RFX7: variants seen among roughly 807,000 people sequenced by gnomAD.
The protein encoded by RFX7 is DNA-binding protein RFX7.
Under a neutral mutation model 111.8 loss-of-function variants are expected in RFX7, and 26 were observed. The ratio of observed to expected loss-of-function variants is 0.23; its 90% CI spans 0.17 to 0.32. RFX7 has a LOEUF of 0.32. Among genes scored for constraint, RFX7 ranks in the 10% least tolerant of loss-of-function variants. The probability of loss-of-function intolerance (pLI) is 1.00; values close to 1 mark genes in which losing one functional copy is unlikely to be tolerated. For missense variants in RFX7, 1,573 were observed against 1,772.9 expected, an observed-to-expected ratio of 0.89 and a Z score of 2.02; for synonymous variants, 624 against 624.4, an observed-to-expected ratio of 1.00 and a Z score of 0.01.
chr15:56,207,379 G>A (rs1447884467), intron 2 of RFX7, among the ~76,000 whole-genome samples: 2 of 152,128 alleles, frequency 1.3e-5, no homozygotes, highest in Non-Finnish European at 2.9e-5. Context: ...CAATGTGACT[G>A]TACTTAATGC....
chr15:56,212,104 A>G (rs1162223802), intron 2 of RFX7, among the ~76,000 whole-genome samples: 1 of 152,204 alleles, frequency 6.6e-6, no homozygotes, highest in Admixed American at 6.5e-5. Flanking sequence ...TGGAAGCAAC[A>G]CAAATGTCAT....
In RFX7 at chr15:56,243,157, G is replaced by A. The variant is rs2043729394; in HGVS notation, c.129C>T (p.Ser43=). Residue 43 remains serine, a synonymous_variant, in exon 2 of 10, where the codon AGC becomes AGT. Coordinates refer to ENST00000559447, the MANE Select transcript of RFX7 (RefSeq NM_022841.7). ...LVPGLPGTEA[S]ALQHKIKNSI... is the part of the protein sequence containing the mutation. ...AGTTCTTGATCTTGTGTTGCAGCGC[G>A]CTGGCCTCTGTCCCTGGCAGCCCGG... The A allele has an allele frequency of 1.5e-6, 2 of 1,360,480 alleles. No homozygotes were observed. Among genetic ancestry groups the A allele is most frequent in the African/African-American group, 1.5e-5 (1 of 67,368 alleles). 84.3% of individuals were successfully genotyped at this position (1,360,480 alleles called of 1,614,324 possible). A position where few individuals can be genotyped will look rare whatever the true frequency, so the allele number is the denominator to read the frequency against.
At chr15:56,121,126 T>G (rs1320039075) in intron 5 of RFX7, among the ~76,000 whole-genome samples, 1 of 152,240 alleles carries the variant, frequency 6.6e-6, no homozygotes, top group Non-Finnish European at 1.5e-5. Flanking sequence ...AACAGCCTTT[T>G]CTTTCAGACT....
chr15:56,172,044 T>G (rs1174210645), intron 3 of RFX7, among the ~76,000 whole-genome samples: 1 of 152,006 alleles, frequency 6.6e-6, no homozygotes, highest in Non-Finnish European at 1.5e-5. Flanking sequence ...TGTGACATCT[T>G]AAGGAATTTT....
chr15:56,200,358 ATTGT>A (rs1363256714), intron 2 of RFX7, among the ~76,000 whole-genome samples: 17 of 152,134 alleles, frequency 1.1e-4, no homozygotes, highest in African/African-American at 2.7e-4. Flanking sequence ...ACTTTTTGTT[ATTGT>A]TTAAGTTTTT....
At chr15:56,170,563 C>A (rs12909430) in intron 3 of RFX7, among the ~76,000 whole-genome samples, 1 of 152,054 alleles carries the variant, frequency 6.6e-6, no homozygotes, top group African/African-American at 2.4e-5. Flanking sequence ...CCCCTAGGGG[C>A]GTGGAGGGCA....
intron 5 of RFX7, among the ~76,000 whole-genome samples, chr15:56,112,046 C>T (rs1237356417): frequency 6.7e-6 from 1 of 149,406 alleles, no homozygotes; most frequent in South Asian, 2.1e-4. Flanking sequence ...ACCCAGGAGG[C>T]GGAGGTTGCA....
chr15:56,121,052 G>GT (rs1193699229), intron 5 of RFX7, among the ~76,000 whole-genome samples: 2 of 152,074 alleles, frequency 1.3e-5, no homozygotes, highest in African/African-American at 4.8e-5. Flanking sequence ...AATAGTCTGT[G>GT]TTTTTTTCTG....
At chr15:56,188,087 T>C (rs1484649953) in intron 2 of RFX7, among the ~76,000 whole-genome samples, 1 of 152,096 alleles carries the variant, frequency 6.6e-6, no homozygotes, top group Non-Finnish European at 1.5e-5. Flanking sequence ...ATAATAAATG[T>C]TCGCATGGGG....
intron 2 of RFX7, among the ~76,000 whole-genome samples, chr15:56,194,126 T>C (rs555429957): frequency 6.6e-6 from 1 of 152,276 alleles, no homozygotes; most frequent in Admixed American, 6.5e-5. Flanking sequence ...AACAAATCAT[T>C]GATAAACTAT....
intron 3 of RFX7, among the ~76,000 whole-genome samples, chr15:56,159,618 C>G (rs138425236): frequency 1.3e-5 from 2 of 152,166 alleles, no homozygotes; most frequent in Admixed American, 6.5e-5. Flanking sequence ...ATAACTTTCT[C>G]CAGGTTCGTC....
rs1370643193 is a variant in RFX7, at chr15:56,098,380, A to G, written c.812-4T>C. On this transcript the variant is annotated splice_region_variant and splice_polypyrimidine_tract_variant and intron_variant, in intron 8 of 9. Transcript: ENST00000559447. ...GGCTGGGTAATTCCTTTCATTCCTG[A>G]AAATAAACAGAAAGGAAAGCTGCAA... 6.3e-7 allele frequency: 1 copy of G among 1,577,848 alleles called. No homozygotes were observed. Among genetic ancestry groups the G allele is most frequent in the East Asian group, 2.3e-5 (1 of 43,986 alleles).
chr15:56,214,941 AT>A (rs2043349301), intron 2 of RFX7, among the ~76,000 whole-genome samples: 1 of 152,048 alleles, frequency 6.6e-6, no homozygotes, highest in South Asian at 2.1e-4. Context: ...AGTTTTACTC[AT>A]TTTTTTAACT....
chr15:56,197,518 T>G (rs1343572252), intron 2 of RFX7, among the ~76,000 whole-genome samples: 1 of 152,068 alleles, frequency 6.6e-6, no homozygotes, highest in Non-Finnish European at 1.5e-5. Flanking sequence ...ATGTGATAGT[T>G]TTTTTTTCAT....
chr15:56,235,831 T>C (rs1201477721), intron 2 of RFX7, among the ~76,000 whole-genome samples: 1 of 152,200 alleles, frequency 6.6e-6, no homozygotes. Flanking sequence ...ATCTAAACCT[T>C]TGCTATTCAA....
At chr15:56,155,105 T>C (rs2042634316) in intron 3 of RFX7, among the ~76,000 whole-genome samples, 1 of 152,096 alleles carries the variant, frequency 6.6e-6, no homozygotes. Context: ...AGAATGGCGA[T>C]CATTAAAAAG....
rs537851263 is a variant in RFX7 at position 56,094,353 on chromosome 15, A to G, written c.3375T>C (p.Ser1125=). The G allele has an allele frequency of 1.5e-5, 24 of 1,613,876 alleles. No homozygotes were observed. The highest frequency in any genetic ancestry group is 1.6e-5 in the Non-Finnish European group (19 of 1,179,886). The part of the protein sequence containing the change: ...DTHFGRLTPV[S]PVQHQGATVN... ...CAGTGGCACCTTGATGCTGCACAGG[A>G]GAGACAGGAGTCAAACGACCAAAAT... Residue 1125 remains serine (S), a synonymous_variant, in exon 10 of 10, where the codon TCT becomes TCC. Coordinates refer to ENST00000559447, the MANE Select transcript of RFX7 (RefSeq NM_022841.7).
intron 3 of RFX7, among the ~76,000 whole-genome samples, chr15:56,144,873 C>CA (rs2042447849): frequency 6.6e-6 from 1 of 152,132 alleles, no homozygotes; most frequent in Non-Finnish European, 1.5e-5. Flanking sequence ...ATGAGGTTTT[C>CA]AGCACTTTTA....
chr15:56,149,280 T>C (rs527394072), intron 3 of RFX7, among the ~76,000 whole-genome samples: 1 of 152,288 alleles, frequency 6.6e-6, no homozygotes, highest in South Asian at 2.1e-4. Flanking sequence ...ATTTTTGTGG[T>C]TAGGCCACTG....
Sources: gnomAD v4.1 joint callset for allele counts (sites outside exome capture counted in the v4.1 genomes callset) on GRCh38, gnomAD v4.1.1 for gene constraint, MANE v1.5 for transcripts, NCBI Gene and HGNC (gene_info 2026-07-23, HGNC 2026-07-21) for gene names.